Variants in PTDSS2 observed in about 807,000 individuals in gnomAD.
PTDSS2 encodes the protein phosphatidylserine synthase 2.
Under a neutral mutation model 64.7 loss-of-function variants are expected in PTDSS2, and 41 were observed. The observed-to-expected ratio is 0.63, with a 90% CI of 0.49 to 0.82. PTDSS2 has a LOEUF of 0.82. PTDSS2 is among the 40% of genes least tolerant of loss of function. PTDSS2 has a pLI of 0.00. For missense variants in PTDSS2, 485 were observed against 650.0 expected (o/e 0.75, Z 2.76); for synonymous variants, 297 against 277.8 (o/e 1.07, Z -0.69).
rs760810434 is a variant in PTDSS2, at chr11:484,691, CTG to C, written c.436-2239_436-2238del. On this transcript the variant is annotated intron_variant, in intron 4 of 11. Transcript: ENST00000308020. ...TCTGTAAACTGCACGGGCGTGTGTG[CTG>C]TGTGTGTGCAGGCGAGCGTAAACAG... is the stretch of plus-strand genomic sequence containing the variant. Among the ~76,000 whole-genome samples, 288 of 116,916 alleles carry C rather than the reference CTG, an allele frequency of 2.5e-3. 1 individual carries two copies. The highest frequency in any genetic ancestry group is 4.1e-3 in the Non-Finnish European group (203 of 49,644). 76.7% of individuals were successfully genotyped at this position (116,916 alleles called of 152,430 possible).
rs1329904614 is a variant in PTDSS2 at position 462,635 on chromosome 11, G to C, written c.284+2347G>C. Among the ~76,000 whole-genome samples the C allele has an allele frequency of 6.6e-6, 1 of 152,118 alleles. No individual in the cohort carries two copies. The highest frequency in any genetic ancestry group is 1.5e-5 in the Non-Finnish European group (1 of 68,012). On this transcript the variant is annotated intron_variant, in intron 2 of 11. Transcript: ENST00000308020. This position sits in a 1 kb window ranked among gnomAD's most constrained non-coding sequence, Gnocchi z 4.5. ...GGCTCCTTCCAGTGAAATTGCCGTGGTGCACCTGTCCTGAGTCCATTCTCA... is the reference window on the plus strand; with the variant it reads ...GGCTCCTTCCAGTGAAATTGCCGTGCTGCACCTGTCCTGAGTCCATTCTCA...
intron 2 of PTDSS2, among the ~76,000 whole-genome samples, chr11:465,046 A>T (rs1404023119): frequency 1.3e-5 from 2 of 152,228 alleles, no homozygotes; most frequent in South Asian, 2.1e-4. Context: ...AGGCAAGTCC[A>T]TGGCGAAGGG....
rs149316958 is a variant in PTDSS2 at position 490,811 on chromosome 11, C to CGTGTGTACGT, written c.*230_*231insTGTGTACGTG. The stretch of plus-strand genomic sequence containing the variant: ...ATGCGTGTGTGTACGCGTGTGTACG[C>CGTGTGTACGT]GCGTGTGTACACATGCGTGGCCGCC... On this transcript the variant is annotated 3_prime_UTR_variant, in exon 12 of 12. Coordinates refer to ENST00000308020, the MANE Select transcript of PTDSS2 (RefSeq NM_030783.3). 0.23 allele frequency: 135,776 copies of CGTGTGTACGT among 581,758 alleles called. 16,400 individuals carry two copies. The highest frequency in any genetic ancestry group is 0.3 in the Admixed American group (9,502 of 31,880). 36.0% of individuals were successfully genotyped at this position (581,758 alleles called of 1,614,324 possible).
chr11:460,370 C>A lies in PTDSS2; in HGVS notation c.284+82C>A. ...GTGGCACCCTTACTGCTCGGGCTGC[C>A]GGGGGCTCAGAAGGCCTTCACCAGA... is the stretch of plus-strand genomic sequence containing the variant. On this transcript the variant is annotated intron_variant, in intron 2 of 11. Coordinates refer to ENST00000308020, the MANE Select transcript of PTDSS2 (RefSeq NM_030783.3). The surrounding 1 kb of genome is among the most constrained non-coding windows in gnomAD (Gnocchi z 5.8). The A allele has an allele frequency of 8.2e-7, 1 of 1,212,776 alleles. No homozygotes were observed. The highest frequency in any genetic ancestry group is 1.2e-6 in the Non-Finnish European group (1 of 833,384). The allele number at this position is 1,212,776 out of a possible 1,614,324, so 75.1% of individuals were successfully genotyped here. A position where few individuals can be genotyped will look rare whatever the true frequency, so the allele number is the denominator to read the frequency against.
chr11:488,330 C>G lies in PTDSS2; in HGVS notation c.735+18C>G. On this transcript the variant is annotated intron_variant, in intron 7 of 11. Coordinates refer to ENST00000308020, the MANE Select transcript of PTDSS2 (RefSeq NM_030783.3). ...GGGATCACGTAGGTGCCAGCACAGC[C>G]CCCGGGGCAGTCGGTGCAGGCTGAG... 1 of 1,594,458 alleles carries G rather than the reference C, an allele frequency of 6.3e-7. No homozygotes were observed. Among genetic ancestry groups the G allele is most frequent in the Non-Finnish European group, 8.6e-7 (1 of 1,164,058 alleles).
At chr11:448,863 G>C (rs1473599649), upstream of PTDSS2, among the ~76,000 whole-genome samples, 1 of 152,242 alleles carries the variant, frequency 6.6e-6, no homozygotes, top group East Asian at 1.9e-4. Flanking sequence ...GACATTCACA[G>C]ATAGGAGCTG....
intron 1 of PTDSS2, chr11:451,356 G>T (rs1308889743): frequency 4.5e-6 from 2 of 444,000 alleles, no homozygotes; most frequent in Middle Eastern, 6.6e-4. Flanking sequence ...GTCCAGACAG[G>T]CTCCAGGTGC....
rs1431601744 is a variant in PTDSS2 at position 470,099 on chromosome 11, C to A, written c.285-3796C>A. Among the ~76,000 whole-genome samples, 2 of 152,154 alleles carry A rather than the reference C, an allele frequency of 1.3e-5. No individual in the cohort carries two copies. The highest frequency in any genetic ancestry group is 4.8e-5 in the African/African-American group (2 of 41,418). On this transcript the variant is annotated intron_variant, in intron 2 of 11. Coordinates refer to ENST00000308020, the MANE Select transcript of PTDSS2 (RefSeq NM_030783.3). This position sits in a 1 kb window ranked among gnomAD's most constrained non-coding sequence, Gnocchi z 5.3. ...CCCATTCCAGGAGCTGGCGTGAGCT[C>A]CCGGCACCGCTGTGCGCTGCGCGTG...
chr11:449,714 C>A (rs1342868511), upstream of PTDSS2, among the ~76,000 whole-genome samples: 1 of 152,208 alleles, frequency 6.6e-6, no homozygotes, highest in Non-Finnish European at 1.5e-5. Flanking sequence ...CTTTGGGAGG[C>A]CGAGGCGGCA....
At chr11:488,877 C>T (rs11246164) in intron 8 of PTDSS2, among the ~76,000 whole-genome samples, 34,593 of 152,240 alleles carry the variant, frequency 0.23, 4,305 homozygotes, top group African/African-American at 0.34. Context: ...TCCTCAATCC[C>T]TGGCCGGCCT....
At chr11:485,613 C>T (rs542420837) in intron 4 of PTDSS2, among the ~76,000 whole-genome samples, 3 of 112,238 alleles carry the variant, frequency 2.7e-5, no homozygotes, top group East Asian at 6.0e-4. Context: ...GTGCTCACTG[C>T]GCAGGCGAGT....
chr11:490,435 G>T lies in PTDSS2; in HGVS notation c.1317G>T (p.Arg439Ser). 1 of 1,613,254 alleles carries T rather than the reference G, an allele frequency of 6.2e-7. No homozygotes were observed. Among genetic ancestry groups the T allele is most frequent in the Non-Finnish European group, 8.5e-7 (1 of 1,179,966 alleles). ...CGCTCCCCAGGGACATCACATTGAG[G>T]TACAAGGAGACCCGGTGGCAGAAGT... The part of the protein sequence containing the change: ...WRFFLRDITL[R>S]YKETRWQKWQ... The change falls in exon 12 of 12, where the codon AGG (arginine) becomes AGT (serine). Residue 439 changes from arginine (R) to serine (S), a missense_variant. Coordinates refer to ENST00000308020, the MANE Select transcript of PTDSS2 (RefSeq NM_030783.3).
At chr11:469,286 G>A (rs1409918427) in intron 2 of PTDSS2, among the ~76,000 whole-genome samples, 57 of 106,782 alleles carry the variant, frequency 5.3e-4, no homozygotes, top group African/African-American at 2.0e-3. Context: ...GGTAATCGGA[G>A]GGAGGAGGAG....
chr11:486,992 C>A lies in PTDSS2; in HGVS notation c.489C>A (p.Val163=). Residue 163 remains valine (V), a synonymous_variant, in exon 5 of 12, where the codon GTC becomes GTA. Coordinates refer to ENST00000308020, the MANE Select transcript of PTDSS2 (RefSeq NM_030783.3). ...FLKYVDPKLG[V]PLPERDYGGN... is the part of the protein sequence containing the mutation. ...AGTATGTTGACCCCAAGCTGGGAGT[C>A]CCACTGCCAGAGAGAGACTACGGGG... 1 of 1,613,410 alleles carries A rather than the reference C, an allele frequency of 6.2e-7. No individual in the cohort carries two copies. Among genetic ancestry groups the A allele is most frequent in the Non-Finnish European group, 8.5e-7 (1 of 1,179,896 alleles).
upstream of PTDSS2, among the ~76,000 whole-genome samples, chr11:448,614 A>T (rs955113349): frequency 1.3e-5 from 2 of 152,140 alleles, no homozygotes; most frequent in Non-Finnish European, 2.9e-5. Context: ...GCCCAACAGC[A>T]CGCCCCCTGG....
intron 3 of PTDSS2, among the ~76,000 whole-genome samples, chr11:475,147 A>G (rs990478162): frequency 9.4e-5 from 12 of 128,140 alleles, no homozygotes; most frequent in African/African-American, 2.1e-4. Context: ...TTTGTGTGAT[A>G]CGGACATATT....
chr11:455,085 A>G (rs954062783), intron 1 of PTDSS2, among the ~76,000 whole-genome samples: 3 of 152,086 alleles, frequency 2.0e-5, no homozygotes, highest in African/African-American at 7.2e-5. Flanking sequence ...GGTCGTTTCC[A>G]TCTTCTTCCT....
chr11:473,919 T>A lies in PTDSS2; in HGVS notation c.309T>A (p.Val103=). ...GAGGTATTGTGGCCAGTATTTTGGT[T>A]TTCTTATGTTTTGGAGTCACACAAG... ...TKRGIVASIL[V]FLCFGVTQAK... Residue 103 remains valine, a synonymous_variant, in exon 3 of 12, where the codon GTT becomes GTA. Transcript: ENST00000308020. 1 of 1,614,020 alleles carries A rather than the reference T, an allele frequency of 6.2e-7. No homozygotes were observed. Among genetic ancestry groups the A allele is most frequent in the Non-Finnish European group, 8.5e-7 (1 of 1,179,882 alleles).
Position 488,752 on chromosome 11 carries a change from C to T in PTDSS2, c.854+105C>T, listed in dbSNP as rs555359055. On this transcript the variant is annotated intron_variant, in intron 8 of 11. Coordinates refer to ENST00000308020, the MANE Select transcript of PTDSS2 (RefSeq NM_030783.3). The stretch of plus-strand genomic sequence containing the variant: ...CCGAGCACCAGGCCCGTCCAGTGTG[C>T]GGCTCAGGAGGGGTGACCGTGGGGC... The T allele has an allele frequency of 3.7e-5, 31 of 839,480 alleles. No individual in the cohort carries two copies. The Admixed American group carries it at 3.9e-4, about 11-fold the overall frequency. 52.0% of individuals were successfully genotyped at this position (839,480 alleles called of 1,614,324 possible). A position where few individuals can be genotyped will look rare whatever the true frequency, so the allele number is the denominator to read the frequency against.
Sources: gnomAD v4.1 joint callset for allele counts (sites outside exome capture counted in the v4.1 genomes callset) on GRCh38, gnomAD v4.1.1 for gene constraint, Gnocchi (gnomAD v3.1) non-coding constraint, MANE v1.5 for transcripts, NCBI Gene and HGNC (gene_info 2026-07-23, HGNC 2026-07-21) for gene names.